The following GRM8 variants were observed in gnomAD, a reference collection of about 807,000 sequenced individuals.
The protein encoded by GRM8 is metabotropic glutamate receptor 8.
A neutral mutation model predicts 87.2 loss-of-function variants in GRM8; 47 were observed. The ratio of observed to expected loss-of-function variants is 0.54; its 90% CI spans 0.43 to 0.69. The LOEUF is 0.69. Among genes scored for constraint, GRM8 ranks in the 30% least tolerant of loss-of-function variants. GRM8 has a pLI of 0.00. For missense variants in GRM8, 1,019 were observed against 1,139.2 expected, an observed-to-expected ratio of 0.89 and a Z score of 1.52; for synonymous variants, 396 against 404.5, an observed-to-expected ratio of 0.98 and a Z score of 0.25.
At chr7:127,110,856 C>T (rs371839229) in intron 2 of GRM8, among the ~76,000 whole-genome samples, 71 of 152,114 alleles carry the variant, frequency 4.7e-4, no homozygotes, top group Non-Finnish European at 8.5e-4. Context: ...GTTTATTGGG[C>T]AAAAGGGGAT....
intron 9 of GRM8, among the ~76,000 whole-genome samples, chr7:126,513,033 T>C (rs949206401): frequency 6.6e-6 from 1 of 152,110 alleles, no homozygotes; most frequent in African/African-American, 2.4e-5. Context: ...ATGTCAACTA[T>C]AAAAAGCCTA....
At chr7:126,586,786 T>C (rs945405765) in intron 8 of GRM8, among the ~76,000 whole-genome samples, 1 of 152,078 alleles carries the variant, frequency 6.6e-6, no homozygotes, top group African/African-American at 2.4e-5. Context: ...ACTTCATGTC[T>C]AAAACACCAA....
intron 2 of GRM8, among the ~76,000 whole-genome samples, chr7:127,233,481 CAAAT>C (rs1554616692): frequency 2.6e-5 from 4 of 152,114 alleles, no homozygotes; most frequent in Non-Finnish European, 5.9e-5. Context: ...TGAAAACTAA[CAAAT>C]AAAATTGCCA....
intron 6 of GRM8, among the ~76,000 whole-genome samples, chr7:126,828,180 G>C (rs368428478): frequency 7.9e-5 from 12 of 151,702 alleles, no homozygotes; most frequent in African/African-American, 2.4e-4. Context: ...TCTCTTTTTT[G>C]GTTGTGTCTC....
intron 2 of GRM8, among the ~76,000 whole-genome samples, chr7:127,167,630 G>C (rs1793533548): frequency 6.6e-6 from 1 of 151,904 alleles, no homozygotes; most frequent in Admixed American, 6.6e-5. Context: ...ACTTTTGATG[G>C]AATTATTATA....
intron 7 of GRM8, among the ~76,000 whole-genome samples, chr7:126,647,625 AT>A (rs1023601829): frequency 2.0e-5 from 3 of 152,146 alleles, no homozygotes; most frequent in African/African-American, 7.2e-5. Flanking sequence ...GCCTCTTAGC[AT>A]ATGGAAACAC....
At chr7:126,797,033 G>T (rs911521239) in intron 6 of GRM8, among the ~76,000 whole-genome samples, 1 of 151,890 alleles carries the variant, frequency 6.6e-6, no homozygotes. Flanking sequence ...GAGTCTAATT[G>T]GACATTTTAC....
At chr7:126,805,018 T>C (rs552106951) in intron 6 of GRM8, among the ~76,000 whole-genome samples, 1 of 152,284 alleles carries the variant, frequency 6.6e-6, no homozygotes, top group South Asian at 2.1e-4. Flanking sequence ...TCTGACACTT[T>C]CCTTCCATCT....
intron 7 of GRM8, among the ~76,000 whole-genome samples, chr7:126,637,414 C>T (rs1048976454): frequency 3.3e-5 from 5 of 151,630 alleles, no homozygotes; most frequent in African/African-American, 1.2e-4. Flanking sequence ...CTTCACATCA[C>T]GAAACTCAAA....
intron 3 of GRM8, among the ~76,000 whole-genome samples, chr7:126,923,443 T>C (rs1467684669): frequency 6.6e-6 from 1 of 152,200 alleles, no homozygotes; most frequent in Non-Finnish European, 1.5e-5. Context: ...ATAAGACCTA[T>C]CATTTAACCA....
intron 8 of GRM8, among the ~76,000 whole-genome samples, chr7:126,558,524 T>G (rs1475468314): frequency 6.6e-6 from 1 of 152,300 alleles, no homozygotes; most frequent in Admixed American, 6.5e-5. Context: ...TTCTGAAGTC[T>G]TTTATATAAG....
At chr7:127,197,597 C>CA (rs542427990) in intron 2 of GRM8, among the ~76,000 whole-genome samples, 28,638 of 142,282 alleles carry the variant, frequency 0.2, 3,018 homozygotes, top group Non-Finnish European at 0.25. Context: ...ACATGTCTGT[C>CA]AAAAAAAAAA....
chr7:127,246,563 T>C (rs1367059527), intron 1 of GRM8, among the ~76,000 whole-genome samples: 1 of 152,060 alleles, frequency 6.6e-6, no homozygotes, highest in East Asian at 1.9e-4. Flanking sequence ...CCATGAACCC[T>C]CATAGCCCTT....
At chr7:127,182,686 G>A (rs1240518343) in intron 2 of GRM8, among the ~76,000 whole-genome samples, 1 of 142,666 alleles carries the variant, frequency 7.0e-6, no homozygotes, top group Non-Finnish European at 1.6e-5. Context: ...TGTGTGTATA[G>A]ACAGATATAT....
intron 7 of GRM8, among the ~76,000 whole-genome samples, chr7:126,700,199 A>G (rs557268125): frequency 6.6e-5 from 10 of 152,264 alleles, no homozygotes; most frequent in African/African-American, 2.4e-4. Flanking sequence ...CAATTTCACA[A>G]TATCTAGACA....
intron 2 of GRM8, among the ~76,000 whole-genome samples, chr7:127,165,292 A>G (rs1174134547): frequency 6.6e-6 from 1 of 150,804 alleles, no homozygotes. Flanking sequence ...TGCCCTTTCT[A>G]AAAGGGTGAC....
At chr7:126,748,193 A>G (rs1257054313) in intron 7 of GRM8, among the ~76,000 whole-genome samples, 1 of 152,086 alleles carries the variant, frequency 6.6e-6, no homozygotes, top group Non-Finnish European at 1.5e-5. Flanking sequence ...ATTAAACATC[A>G]GGCATATTGG....
intron 7 of GRM8, among the ~76,000 whole-genome samples, chr7:126,686,500 G>A (rs1808210714): frequency 6.6e-6 from 1 of 152,192 alleles, no homozygotes; most frequent in South Asian, 2.1e-4. Context: ...ACATCTCCAA[G>A]CTTCCAGGAG....
intron 7 of GRM8, among the ~76,000 whole-genome samples, chr7:126,667,631 C>G (rs913638469): frequency 6.6e-6 from 1 of 152,180 alleles, no homozygotes; most frequent in African/African-American, 2.4e-5. Context: ...GGAAGGGAAG[C>G]ACAACTTCAC....
Sources: allele counts gnomAD v4.1 joint callset (sites outside exome capture counted in the v4.1 genomes callset), GRCh38; gene constraint gnomAD v4.1.1; transcripts MANE v1.5; gene names NCBI Gene and HGNC (gene_info 2026-07-23, HGNC 2026-07-21).